Variants in SLC12A5 observed in about 807,000 individuals in gnomAD.
The protein encoded by SLC12A5 is K-Cl cotransporter 2.
In SLC12A5, 18 loss-of-function variants were observed where a neutral mutation model predicts 124.0. That is an observed-to-expected ratio of 0.15 (90% CI 0.10 to 0.22). SLC12A5 has a LOEUF of 0.22. SLC12A5 is among the 10% of genes least tolerant of loss of function. The pLI is 1.00. For synonymous variants in SLC12A5, 589 were observed against 568.0 expected (o/e 1.04, Z -0.53); for missense variants, 867 against 1,478.7 (o/e 0.59, Z 6.78).
chr20:46,055,066 C>A, intron 21 of SLC12A5, 43 bp downstream of exon 21: 1 of 1,484,106 alleles, frequency 6.7e-7, no homozygotes, highest in Non-Finnish European at 9.4e-7. Flanking sequence ...CAAACTGCTG[C>A]CAGTTCTGGG....
chr20:46,047,378 C>T (rs561206092), intron 14 of SLC12A5, 76 bp from the exon 15 acceptor site: 109 of 1,576,058 alleles, frequency 6.9e-5, no homozygotes, highest in Non-Finnish European at 8.7e-5. Context: ...GCCCCATCTC[C>T]CTCTTGCTTT....
At position 46,051,695 on chromosome 20, in the gene SLC12A5, G is replaced by A. The variant is rs2145501982; in HGVS notation, c.2202G>A (p.Glu734=). ...CCTAGTCTATCAGGCGCCTGATGGAGGCAGAGAAGGTGAAGGGCTTCTGCC... is the reference window on the plus strand; with the variant it reads ...CCTAGTCTATCAGGCGCCTGATGGAAGCAGAGAAGGTGAAGGGCTTCTGCC... ...RAEESIRRLM[E]AEKVKGFCQV... is the part of the protein sequence containing the mutation. The change falls in exon 18 of 26, where the codon GAG becomes GAA. Residue 734 remains glutamate (E), a synonymous_variant. Transcript: ENST00000243964. 6.2e-6 allele frequency: 10 copies of A among 1,609,210 alleles called. No homozygotes were observed. The highest frequency in any genetic ancestry group is 8.5e-6 in the Non-Finnish European group (10 of 1,177,824).
In SLC12A5 at chr20:46,056,462, A is replaced by C; in HGVS notation, c.3008A>C (p.Lys1003Thr). 1 of 1,614,172 alleles carries C rather than the reference A, an allele frequency of 6.2e-7. No homozygotes were observed. The highest frequency in any genetic ancestry group is 8.5e-7 in the Non-Finnish European group (1 of 1,180,000). Residue 1003 changes from lysine (K) to threonine (T), a missense_variant, in exon 23 of 26, where the codon AAG becomes ACG. Physicochemically the swap from Lys to Thr is moderately conservative, Grantham distance 78. Transcript: ENST00000243964. The surrounding 1 kb of genome is among the most constrained non-coding windows in gnomAD (Gnocchi z 4.3). ...GGGGAAGGGGAGACAGATCCGGAGA[A>C]GGTGCATCTCACCTGGACCAAGGAC... ...PEGEGETDPE[K>T]VHLTWTKDKS...
chr20:46,048,181 C>T lies in SLC12A5; in HGVS notation c.2012+96C>T. The T allele has an allele frequency of 6.0e-6, 7 of 1,162,102 alleles. No homozygotes were observed. The South Asian group carries it at 6.5e-5, about 11-fold the overall frequency. The allele number at this position is 1,162,102 out of a possible 1,614,324, so 72.0% of individuals were successfully genotyped here. A position where few individuals can be genotyped will look rare whatever the true frequency, so the allele number is the denominator to read the frequency against. On this transcript the variant is annotated intron_variant, in intron 16 of 25. Transcript: ENST00000243964. Reference sequence around the variant, plus strand: ...AGGGAGCAGGGCCTGACTTATCCTGCTTGCTTTGTTTTGCTGAGTCGTGCC... The same window carrying T: ...AGGGAGCAGGGCCTGACTTATCCTGTTTGCTTTGTTTTGCTGAGTCGTGCC...
intron 17 of SLC12A5, among the ~76,000 whole-genome samples, chr20:46,051,189 A>G (rs1423830133): frequency 2.0e-5 from 3 of 152,174 alleles, no homozygotes; most frequent in Non-Finnish European, 4.4e-5. Context: ...TAATAAGACT[A>G]TTTCCCTCAT....
At chr20:46,029,787 G>C (rs1254612088) in intron 1 of SLC12A5, among the ~76,000 whole-genome samples, 2 of 152,140 alleles carry the variant, frequency 1.3e-5, no homozygotes, top group Non-Finnish European at 2.9e-5. Context: ...GGCACCCGTG[G>C]AGCCGGGGGG....
intron 6 of SLC12A5, among the ~76,000 whole-genome samples, chr20:46,037,597 A>T (rs1009405306): frequency 6.6e-6 from 1 of 152,210 alleles, no homozygotes; most frequent in Non-Finnish European, 1.5e-5. Flanking sequence ...GCTGTCGTTT[A>T]TCAGGCCCCC....
At chr20:46,022,076 AG>A in intron 1 of SLC12A5, 1 of 276,228 alleles carries the variant, frequency 3.6e-6, no homozygotes, top group Non-Finnish European at 4.5e-6. Flanking sequence ...CAAAGTGTGG[AG>A]GGGGAGGGGC....
At chr20:46,028,310 C>T (rs8125780), upstream of SLC12A5, among the ~76,000 whole-genome samples, 57,739 of 152,068 alleles carry the variant, frequency 0.38, 12,730 homozygotes, top group Middle Eastern at 0.57. Flanking sequence ...GCCTCAGGAC[C>T]GGCCTGTCCT....
chr20:46,053,053 G>T lies in SLC12A5; in HGVS notation c.2474G>T (p.Ser825Ile). The T allele has an allele frequency of 6.2e-7, 1 of 1,614,196 alleles. No individual in the cohort carries two copies. Among genetic ancestry groups the T allele is most frequent in the South Asian group, 1.1e-5 (1 of 91,082 alleles). ...PGNPERFSEG[S>I]IDVWWIVHDG... is the part of the protein sequence containing the mutation. ...AACCCTGAGCGCTTCTCTGAGGGCA[G>T]CATCGACGTTTGGTGGATTGTGCAC... is the stretch of plus-strand genomic sequence containing the variant. Residue 825 changes from serine to isoleucine, a missense_variant, in exon 19 of 26, where the codon AGC (serine) becomes ATC (isoleucine). Around this residue, in one of 9 missense-constraint regions of SLC12A5, gnomAD observed 110 missense variants for 149.9 expected, o/e 0.73. Transcript: ENST00000243964. The surrounding 1 kb of genome is among the most constrained non-coding windows in gnomAD (Gnocchi z 4.7).
intron 4 of SLC12A5, 83 bp downstream of exon 4, chr20:46,036,006 C>T: frequency 6.7e-7 from 1 of 1,498,252 alleles, no homozygotes; most frequent in Non-Finnish European, 9.0e-7. Context: ...AGGATGGAAG[C>T]ATGAGACCTG....
Position 46,054,855 on chromosome 20 carries a change from C to A in SLC12A5, c.2680-61C>A. On this transcript the variant is annotated intron_variant, in intron 20 of 25. Coordinates refer to ENST00000243964, the MANE Select transcript of SLC12A5 (RefSeq NM_020708.5). ...CTTGGCCTTTCACCTGGGCTCAGAC[C>A]TCATGCTTTCCTCCGTGTTCCTCTC... The A allele has an allele frequency of 3.1e-6, 4 of 1,275,352 alleles. No homozygotes were observed. In the East Asian group the frequency reaches 7.0e-5, roughly 22 times the overall value. 79.0% of individuals were successfully genotyped at this position (1,275,352 alleles called of 1,614,324 possible).
upstream of SLC12A5, chr20:46,029,118 A>C: frequency 1.5e-6 from 2 of 1,341,060 alleles, no homozygotes; most frequent in East Asian, 3.0e-5. Flanking sequence ...CGCCTCCTGC[A>C]TACGGGATGA....
At chr20:46,039,596 G>A (rs1327955499) in intron 6 of SLC12A5, among the ~76,000 whole-genome samples, 1 of 152,092 alleles carries the variant, frequency 6.6e-6, no homozygotes, top group Non-Finnish European at 1.5e-5. Flanking sequence ...CTGATACGGT[G>A]AAACCCCGTC....
Position 46,058,920 on chromosome 20 carries a change from G to A in SLC12A5, c.*1315G>A. ...GCAGCGGCCTCTAGCTCCGTCTCCCGGGGACCTGGGCCTGAGGGAGGGCTG... is the reference window on the plus strand; with the variant it reads ...GCAGCGGCCTCTAGCTCCGTCTCCCAGGGACCTGGGCCTGAGGGAGGGCTG... On this transcript the variant is annotated 3_prime_UTR_variant, in exon 26 of 26. Transcript: ENST00000243964. This position sits in a 1 kb window ranked among gnomAD's most constrained non-coding sequence, Gnocchi z 5.8. 1 of 393,630 alleles carries A rather than the reference G, an allele frequency of 2.5e-6. No homozygotes were observed. The highest frequency in any genetic ancestry group is 4.5e-6 in the Non-Finnish European group (1 of 223,506). The allele number at this position is 393,630 out of a possible 1,614,324, so 24.4% of individuals were successfully genotyped here.
intron 11 of SLC12A5, 63 bp downstream of exon 11, chr20:46,043,996 G>T: frequency 4.0e-6 from 6 of 1,502,524 alleles, no homozygotes; most frequent in Non-Finnish European, 3.6e-6. Flanking sequence ...TGAGTTCTGG[G>T]AAACAGACCC....
At position 46,059,846 on chromosome 20, in the gene SLC12A5, C is replaced by T; in HGVS notation, c.*2241C>T. 1 of 389,932 alleles carries T rather than the reference C, an allele frequency of 2.6e-6. No homozygotes were observed. Among genetic ancestry groups the T allele is most frequent in the Non-Finnish European group, 4.5e-6 (1 of 220,976 alleles). The allele number at this position is 389,932 out of a possible 1,614,324, so 24.2% of individuals were successfully genotyped here. ...GCTTTTGTTTTAGATGATCTATGTG[C>T]AGGGCAATGCAATGAAGTTGAAAAC... On this transcript the variant is annotated 3_prime_UTR_variant, in exon 26 of 26. Coordinates refer to ENST00000243964, the MANE Select transcript of SLC12A5 (RefSeq NM_020708.5).
chr20:46,028,971 C>T (rs965014818), upstream of SLC12A5: 3 of 283,634 alleles, frequency 1.1e-5, no homozygotes, highest in East Asian at 1.0e-4. Context: ...GGCCCTGTCC[C>T]CCGAAGCACC....
At position 46,029,877 on chromosome 20, in the gene SLC12A5, TGTGTGTGTGTGTGC is replaced by T. The variant is rs796345621; in HGVS notation, c.52+483_52+496del. Among the ~76,000 whole-genome samples, 16 of 52,582 alleles carry T rather than the reference TGTGTGTGTGTGTGC, an allele frequency of 3.0e-4. No homozygotes were observed. The South Asian group carries it at 4.6e-3, about 15-fold the overall frequency. 34.5% of individuals were successfully genotyped at this position (52,582 alleles called of 152,430 possible). A position where few individuals can be genotyped will look rare whatever the true frequency, so the allele number is the denominator to read the frequency against. On this transcript the variant is annotated intron_variant, in intron 1 of 25. Coordinates refer to ENST00000243964, the MANE Select transcript of SLC12A5 (RefSeq NM_020708.5). ...AGGTGGCTGTGTGTGTGTGTGTGTGTGTGTGTGTGTGTGCGCGCGCGTGCGTATGTGTGTGTGTG... is the reference window on the plus strand; with the variant it reads ...AGGTGGCTGTGTGTGTGTGTGTGTGTGCGCGCGTGCGTATGTGTGTGTGTG...
Sources: gnomAD v4.1 joint callset for allele counts (sites outside exome capture counted in the v4.1 genomes callset) on GRCh38, gnomAD v4.1.1 for gene constraint, gnomAD v4.1.1 regional missense constraint, Gnocchi (gnomAD v3.1) non-coding constraint, MANE v1.5 for transcripts, NCBI Gene and HGNC (gene_info 2026-07-23, HGNC 2026-07-21) for gene names.